The following ABCC4 variants were observed in gnomAD, a reference collection of about 807,000 sequenced individuals.
The protein encoded by ABCC4 is ATP binding cassette subfamily C member 4 (PEL blood group).
ABCC4 carries 102 observed loss-of-function variants against 168.5 expected under a neutral mutation model. The observed-to-expected ratio is 0.61, with a 90% CI of 0.52 to 0.71. The LOEUF (loss-of-function observed/expected upper bound fraction) is 0.71. ABCC4 is among the 30% of genes least tolerant of loss of function. ABCC4 has a pLI of 0.00. For missense variants in ABCC4, 1,402 were observed against 1,605.8 expected (o/e 0.87, Z 2.17); for synonymous variants, 617 against 590.7 (o/e 1.04, Z -0.65).
At chr13:95,099,527 T>C (rs2034724700) in intron 20 of ABCC4, among the ~76,000 whole-genome samples, 1 of 152,172 alleles carries the variant, frequency 6.6e-6, no homozygotes, top group Admixed American at 6.5e-5. Context: ...AATATGACAC[T>C]AGAATTTCAT....
intron 27 of ABCC4, among the ~76,000 whole-genome samples, chr13:95,045,391 A>G (rs777355385): frequency 1.2e-4 from 18 of 152,190 alleles, no homozygotes; most frequent in Non-Finnish European, 2.5e-4. Flanking sequence ...AACAATGGGA[A>G]ACTGTGCCTC....
intron 3 of ABCC4, among the ~76,000 whole-genome samples, chr13:95,236,952 G>A (rs2039790550): frequency 6.6e-6 from 1 of 152,174 alleles, no homozygotes; most frequent in South Asian, 2.1e-4. Context: ...AGGGCAACCA[G>A]GGCCGCAGCA....
chr13:95,140,300 A>G lies in ABCC4; in HGVS notation c.2455+20889T>C, dbSNP rs188000015. On this transcript the variant is annotated intron_variant, in intron 19 of 30. Transcript: ENST00000645237. ...GGACTCGGCATAGCATCTAAAGGAA[A>G]GGCAACAAAGACAGCCAAACAGGCT... is the stretch of plus-strand genomic sequence containing the variant. Among the ~76,000 whole-genome samples the G allele has an allele frequency of 3.8e-3, 582 of 152,336 alleles. 7 individuals carry two copies. Among genetic ancestry groups the G allele is most frequent in the Admixed American group, 5.8e-3 (89 of 15,302 alleles).
chr13:95,181,999 A>C (rs2037912070), intron 11 of ABCC4, among the ~76,000 whole-genome samples: 2 of 152,072 alleles, frequency 1.3e-5, no homozygotes, highest in Admixed American at 1.3e-4. Flanking sequence ...TATGTTGCCT[A>C]GGCTGGTCTC....
chr13:95,198,659 G>A (rs577094142), intron 8 of ABCC4, among the ~76,000 whole-genome samples: 2 of 152,268 alleles, frequency 1.3e-5, no homozygotes, highest in South Asian at 2.1e-4. Flanking sequence ...ACATGCACAC[G>A]TATGTTTACT....
At chr13:95,085,032 G>C (rs2034212994) in intron 20 of ABCC4, among the ~76,000 whole-genome samples, 1 of 152,226 alleles carries the variant, frequency 6.6e-6, no homozygotes, top group Non-Finnish European at 1.5e-5. Context: ...TCTTGAGAAG[G>C]ATAGAACAGT....
intron 1 of ABCC4, among the ~76,000 whole-genome samples, chr13:95,299,353 C>T (rs1055072840): frequency 2.0e-5 from 3 of 151,758 alleles, no homozygotes. Flanking sequence ...AGAAACCACA[C>T]CCATATTCCT....
chr13:95,223,348 A>G (rs2039357101), intron 4 of ABCC4, among the ~76,000 whole-genome samples: 1 of 152,214 alleles, frequency 6.6e-6, no homozygotes, highest in African/African-American at 2.4e-5. Context: ...TCAAATATAT[A>G]AATAATAAAA....
rs1241720847 is a variant in ABCC4, at chr13:95,207,787, T to C, written c.911+13A>G. The C allele has an allele frequency of 2.5e-6, 4 of 1,608,868 alleles. No individual in the cohort carries two copies. Among genetic ancestry groups the C allele is most frequent in the Admixed American group, 3.4e-5 (2 of 58,868 alleles). ...AAATACAAAAATATGGTACAATGTA[T>C]ACAAAAACTTACTTTCTCAAATTGG... is the stretch of plus-strand genomic sequence containing the variant. On this transcript the variant is annotated intron_variant, in intron 7 of 30. Coordinates refer to ENST00000645237, the MANE Select transcript of ABCC4 (RefSeq NM_005845.5).
Position 95,188,332 on chromosome 13 carries a change from G to A in ABCC4, c.1353+121C>T, listed in dbSNP as rs1254923922. 5 of 882,588 alleles carry A rather than the reference G, an allele frequency of 5.7e-6. No homozygotes were observed. The African/African-American group carries it at 6.6e-5, about 12-fold the overall frequency. The allele number at this position is 882,588 out of a possible 1,614,324, so 54.7% of individuals were successfully genotyped here. On this transcript the variant is annotated intron_variant, in intron 10 of 30. Coordinates refer to ENST00000645237, the MANE Select transcript of ABCC4 (RefSeq NM_005845.5). ...GCAAAACGAATGTTCCATGCACTGA[G>A]AAATGCCGTGCCAAGTGTACCCAGT... is the stretch of plus-strand genomic sequence containing the variant.
chr13:95,133,941 A>G (rs1783597234), intron 19 of ABCC4, among the ~76,000 whole-genome samples: 1 of 152,206 alleles, frequency 6.6e-6, no homozygotes, highest in African/African-American at 2.4e-5. Flanking sequence ...TTTCCTGCCC[A>G]AGCCAAACAC....
intron 14 of ABCC4, chr13:95,170,325 T>C (rs144860179): frequency 2.3e-6 from 1 of 437,574 alleles, no homozygotes; most frequent in East Asian, 3.5e-5. Context: ...TCTTTAACAA[T>C]GTAGTAACCT....
At chr13:95,151,999 T>C (rs935554314) in intron 19 of ABCC4, among the ~76,000 whole-genome samples, 3 of 152,236 alleles carry the variant, frequency 2.0e-5, no homozygotes, top group African/African-American at 4.8e-5. Flanking sequence ...AACAAAACTA[T>C]ACAGTACCAG....
intron 24 of ABCC4, 43 bp from the exon 25 acceptor site, chr13:95,071,896 G>A: frequency 1.5e-6 from 2 of 1,336,414 alleles, no homozygotes; most frequent in Non-Finnish European, 2.0e-6. Flanking sequence ...AATGGAGGGT[G>A]TCATTTATGG....
chr13:95,113,579 A>G (rs1486212919), intron 20 of ABCC4, among the ~76,000 whole-genome samples: 1 of 152,142 alleles, frequency 6.6e-6, no homozygotes, highest in Admixed American at 6.5e-5. Flanking sequence ...AAAAAAAAAA[A>G]AAAAAATTAC....
At chr13:95,146,083 C>A (rs775602820) in intron 19 of ABCC4, among the ~76,000 whole-genome samples, 5 of 151,904 alleles carry the variant, frequency 3.3e-5, no homozygotes, top group Non-Finnish European at 7.4e-5. Flanking sequence ...TGGTGATATG[C>A]GCTTGTAATT....
chr13:95,073,031 G>C (rs1566392777), intron 24 of ABCC4, among the ~76,000 whole-genome samples, 173 bp downstream of exon 24: 1 of 152,050 alleles, frequency 6.6e-6, no homozygotes. Flanking sequence ...CTCAGAAAAA[G>C]ATGTATATAT....
intron 20 of ABCC4, among the ~76,000 whole-genome samples, chr13:95,106,155 A>C (rs983808456): frequency 1.3e-5 from 2 of 152,078 alleles, no homozygotes; most frequent in Non-Finnish European, 1.5e-5. Flanking sequence ...AATTCCATAC[A>C]CAAGTTTACA....
chr13:95,095,106 A>C (rs568521894), intron 20 of ABCC4, among the ~76,000 whole-genome samples: 4 of 152,202 alleles, frequency 2.6e-5, no homozygotes, highest in Non-Finnish European at 4.4e-5. Flanking sequence ...AAGAACTAAA[A>C]GTAGATCTAC....
Sources: allele counts gnomAD v4.1 joint callset (sites outside exome capture counted in the v4.1 genomes callset), GRCh38; gene constraint gnomAD v4.1.1; transcripts MANE v1.5; gene names NCBI Gene and HGNC (gene_info 2026-07-23, HGNC 2026-07-21).